Variants in DLGAP2 observed in about 807,000 individuals in gnomAD.
DLGAP2 encodes DLG associated protein 2, also known as disks large-associated protein 2.
In DLGAP2, 26 loss-of-function variants were observed where a neutral mutation model predicts 100.3. The ratio of observed to expected loss-of-function variants is 0.26; its 90% CI spans 0.19 to 0.36. DLGAP2 has a LOEUF of 0.36. DLGAP2 is among the 10% of genes least tolerant of loss of function. The pLI is 1.00. For synonymous variants in DLGAP2, 886 were observed against 630.1 expected (o/e 1.41, Z -6.08); for missense variants, 1,858 against 1,453.2 (o/e 1.28, Z -4.53).
chr8:1,456,784 T>C (rs1252322343), intron 3 of DLGAP2, among the ~76,000 whole-genome samples: 1 of 152,104 alleles, frequency 6.6e-6, no homozygotes, highest in African/African-American at 2.4e-5. Context: ...GAAATTGGTT[T>C]TGCGAGGGAG....
chr8:1,226,397 A>G (rs1798416373), intron 2 of DLGAP2, among the ~76,000 whole-genome samples: 2 of 152,174 alleles, frequency 1.3e-5, no homozygotes, highest in African/African-American at 4.8e-5. Context: ...ACATGTTCTC[A>G]CTTATAAGTG....
At chr8:1,244,442 T>C (rs1272041411) in intron 2 of DLGAP2, among the ~76,000 whole-genome samples, 1 of 152,082 alleles carries the variant, frequency 6.6e-6, no homozygotes, top group Non-Finnish European at 1.5e-5. Context: ...GGTTAAAGTG[T>C]TGTAAAAGAG....
chr8:833,437 C>T (rs754372152), intron 1 of DLGAP2, among the ~76,000 whole-genome samples: 52 of 152,184 alleles, frequency 3.4e-4, no homozygotes, highest in Non-Finnish European at 4.0e-4. Flanking sequence ...TGTTTCTCAG[C>T]GTTTCCCAGC....
chr8:1,095,621 G>A (rs900381070), intron 2 of DLGAP2, among the ~76,000 whole-genome samples: 3 of 152,170 alleles, frequency 2.0e-5, no homozygotes, highest in Non-Finnish European at 2.9e-5. Flanking sequence ...CGAGTGCTGG[G>A]CGCACAGCCA....
chr8:1,145,691 C>T (rs985578620), intron 2 of DLGAP2, among the ~76,000 whole-genome samples: 8 of 150,886 alleles, frequency 5.3e-5, no homozygotes, highest in African/African-American at 2.0e-4. Context: ...TATACATGTG[C>T]CATGCTGGTG....
chr8:1,558,814 C>A (rs1252945157), intron 5 of DLGAP2, among the ~76,000 whole-genome samples: 1 of 151,856 alleles, frequency 6.6e-6, no homozygotes, highest in African/African-American at 2.4e-5. Flanking sequence ...CATAAACACA[C>A]ATACGCACAT....
intron 2 of DLGAP2, among the ~76,000 whole-genome samples, chr8:993,562 G>C (rs73673046): frequency 6.6e-6 from 1 of 150,430 alleles, no homozygotes; most frequent in Admixed American, 6.6e-5. Flanking sequence ...TTCCAGGGGC[G>C]TTTGTTTCTG....
chr8:1,198,599 G>A (rs1797803853), intron 2 of DLGAP2, among the ~76,000 whole-genome samples: 1 of 152,176 alleles, frequency 6.6e-6, no homozygotes, highest in South Asian at 2.1e-4. Context: ...GCAGATGAGA[G>A]TGTGTGCTCT....
At chr8:1,215,481 T>C in intron 2 of DLGAP2, among the ~76,000 whole-genome samples, 1 of 99,714 alleles carries the variant, frequency 1.0e-5, no homozygotes, top group African/African-American at 3.7e-5. Context: ...TCCAGGTACC[T>C]GGATGGGTTC....
At chr8:1,113,916 G>A (rs1805037673) in intron 2 of DLGAP2, among the ~76,000 whole-genome samples, 1 of 152,052 alleles carries the variant, frequency 6.6e-6, no homozygotes, top group South Asian at 2.1e-4. Flanking sequence ...AGAGGTATTG[G>A]ATTTTATTAA....
intron 1 of DLGAP2, among the ~76,000 whole-genome samples, chr8:871,254 G>A (rs1259988191): frequency 6.6e-6 from 1 of 152,226 alleles, no homozygotes; most frequent in African/African-American, 2.4e-5. Flanking sequence ...TGGCCATCCA[G>A]TGTCCACACC....
intron 3 of DLGAP2, among the ~76,000 whole-genome samples, chr8:1,458,558 T>G (rs1486119624): frequency 6.6e-6 from 1 of 152,180 alleles, no homozygotes; most frequent in Non-Finnish European, 1.5e-5. Context: ...TTCAGGGAGT[T>G]CATGAAACCC....
chr8:1,112,237 A>ATTTTTTTTTTTTT, intron 2 of DLGAP2, among the ~76,000 whole-genome samples: 1 of 98,030 alleles, frequency 1.0e-5, no homozygotes, highest in Non-Finnish European at 1.9e-5. Flanking sequence ...TCCTTTGCCC[A>ATTTTTTTTTTTTT]TTTTTTTTTT....
chr8:765,115 G>C (rs1821178564), intron 1 of DLGAP2, among the ~76,000 whole-genome samples: 1 of 152,168 alleles, frequency 6.6e-6, no homozygotes, highest in African/African-American at 2.4e-5. Flanking sequence ...AGCTACAGTG[G>C]GTGGGGTGCC....
chr8:1,573,415 G>A (rs1052110736), intron 6 of DLGAP2, among the ~76,000 whole-genome samples: 3 of 148,680 alleles, frequency 2.0e-5, no homozygotes, highest in Non-Finnish European at 4.5e-5. Context: ...GGGGGCGTCT[G>A]ATGAGATGGA....
intron 2 of DLGAP2, among the ~76,000 whole-genome samples, chr8:1,118,321 G>A (rs898783460): frequency 7.2e-5 from 11 of 152,204 alleles, no homozygotes; most frequent in Non-Finnish European, 1.3e-4. Context: ...TAGTGTGTGA[G>A]CAGAGACTGA....
intron 2 of DLGAP2, among the ~76,000 whole-genome samples, chr8:1,095,558 T>C (rs1371706981): frequency 1.3e-5 from 2 of 152,178 alleles, no homozygotes; most frequent in Non-Finnish European, 2.9e-5. Flanking sequence ...GTTAGCAGTG[T>C]CCACCGTCAA....
At chr8:1,641,439 A>G (rs561386055) in intron 8 of DLGAP2, among the ~76,000 whole-genome samples, 64 of 152,292 alleles carry the variant, frequency 4.2e-4, no homozygotes, top group African/African-American at 1.4e-3. Flanking sequence ...TGCTGGGATG[A>G]TCTCCCAGGT....
chr8:1,297,429 G>A (rs1408000986), intron 3 of DLGAP2, among the ~76,000 whole-genome samples: 1 of 150,026 alleles, frequency 6.7e-6, no homozygotes, highest in Non-Finnish European at 1.5e-5. Flanking sequence ...TGCGCGAACA[G>A]ACACCACGCG....
Sources: gnomAD v4.1 joint callset for allele counts (sites outside exome capture counted in the v4.1 genomes callset) on GRCh38, gnomAD v4.1.1 for gene constraint, MANE v1.5 for transcripts, NCBI Gene and HGNC (gene_info 2026-07-23, HGNC 2026-07-21) for gene names.